The following MDGA2 variants were observed in gnomAD, a reference collection of about 807,000 sequenced individuals.
MDGA2 encodes the protein MAM domain-containing glycosylphosphatidylinositol anchor protein 2.
MDGA2 carries 40 observed loss-of-function variants against 117.8 expected under a neutral mutation model. The observed-to-expected ratio is 0.34, with a 90% confidence interval of 0.26 to 0.44. The LOEUF is 0.44. Among genes scored for constraint, MDGA2 ranks in the 20% least tolerant of loss-of-function variants. The pLI, the probability that MDGA2 is intolerant of heterozygous loss-of-function variation, is 1.00. For missense variants in MDGA2, 1,123 were observed against 1,250.6 expected, an observed-to-expected ratio of 0.90 and a Z score of 1.54; for synonymous variants, 452 against 439.0, an observed-to-expected ratio of 1.03 and a Z score of -0.37.
chr14:47,157,819 C>T (rs775078789), intron 3 of MDGA2, among the ~76,000 whole-genome samples: 2 of 152,040 alleles, frequency 1.3e-5, no homozygotes, highest in Admixed American at 6.6e-5. Flanking sequence ...AGGGCTCCCC[C>T]CCTCACTCAG....
chr14:47,629,047 T>C (rs779402198), intron 1 of MDGA2, among the ~76,000 whole-genome samples: 2 of 152,222 alleles, frequency 1.3e-5, no homozygotes, highest in Non-Finnish European at 2.9e-5. Flanking sequence ...TTCACTTCTC[T>C]TGATTCTAAT....
chr14:47,642,572 C>G (rs918006365), intron 1 of MDGA2, among the ~76,000 whole-genome samples: 1 of 152,014 alleles, frequency 6.6e-6, no homozygotes, highest in African/African-American at 2.4e-5. Context: ...TCATATCCTA[C>G]CAAGCAAACA....
chr14:47,665,205 GCT>G (rs1897921753), intron 1 of MDGA2, among the ~76,000 whole-genome samples: 1 of 151,934 alleles, frequency 6.6e-6, no homozygotes, highest in African/African-American at 2.4e-5. Flanking sequence ...ACTGTTCCGA[GCT>G]TTTTCAAGTT....
chr14:47,598,179 G>A (rs1896582100), intron 1 of MDGA2, among the ~76,000 whole-genome samples: 1 of 152,122 alleles, frequency 6.6e-6, no homozygotes, highest in Admixed American at 6.6e-5. Flanking sequence ...AATAACAAAT[G>A]TTAGTAAGGA....
intron 1 of MDGA2, among the ~76,000 whole-genome samples, chr14:47,352,713 C>A (rs1466701506): frequency 1.3e-5 from 2 of 152,204 alleles, no homozygotes; most frequent in African/African-American, 4.8e-5. Context: ...AAAGTTACTA[C>A]AATACTATTC....
chr14:47,470,119 TA>T (rs201706704), intron 1 of MDGA2, among the ~76,000 whole-genome samples: 4 of 93,702 alleles, frequency 4.3e-5, no homozygotes, highest in East Asian at 1.6e-3. Context: ...TATTTATTTT[TA>T]TTTTTTTTTT....
intron 2 of MDGA2, among the ~76,000 whole-genome samples, chr14:47,258,980 A>G (rs1887708951): frequency 6.6e-6 from 1 of 152,118 alleles, no homozygotes; most frequent in Admixed American, 6.6e-5. Flanking sequence ...TCTATTAGGT[A>G]TATCTTCAAT....
intron 1 of MDGA2, among the ~76,000 whole-genome samples, chr14:47,306,885 GAGAC>G (rs1889469062): frequency 6.6e-6 from 1 of 150,722 alleles, no homozygotes; most frequent in African/African-American, 2.4e-5. Context: ...TAGACAGATA[GAGAC>G]AGACAGACAG....
rs892793935 is a variant in MDGA2 at position 47,671,073 on chromosome 14, G to T, written c.280+3444C>A. Among the ~76,000 whole-genome samples, 7 of 151,918 alleles carry T rather than the reference G, an allele frequency of 4.6e-5. No individual in the cohort carries two copies. In the East Asian group the frequency reaches 1.3e-3, roughly 29 times the overall value. ...TTACTATAATGTTACATCTGATATT[G>T]AAAATGTAATAAATATAAAGTACAA... On this transcript the variant is annotated intron_variant, in intron 1 of 16. Coordinates refer to ENST00000399232, the MANE Select transcript of MDGA2 (RefSeq NM_001113498.3).
intron 5 of MDGA2, among the ~76,000 whole-genome samples, chr14:47,103,683 T>C: frequency 6.6e-6 from 1 of 152,248 alleles, no homozygotes. Context: ...ATACTGTTCC[T>C]TTTTGAAAAA....
intron 1 of MDGA2, among the ~76,000 whole-genome samples, chr14:47,383,169 A>G (rs767862571): frequency 4.6e-5 from 7 of 152,202 alleles, no homozygotes; most frequent in Non-Finnish European, 8.8e-5. Flanking sequence ...ACACTTGGAC[A>G]CAGGATGGGG....
At chr14:47,596,309 C>T (rs77061129) in intron 1 of MDGA2, among the ~76,000 whole-genome samples, 3,742 of 152,248 alleles carry the variant, frequency 0.025, 115 homozygotes, top group East Asian at 0.12. Flanking sequence ...AATTAACTAA[C>T]TTTAAGCATT....
At chr14:47,297,011 G>T (rs564197322) in intron 2 of MDGA2, among the ~76,000 whole-genome samples, 9 of 152,232 alleles carry the variant, frequency 5.9e-5, no homozygotes, top group African/African-American at 2.2e-4. Flanking sequence ...CAATGCAGGG[G>T]TTTCTAATGT....
In MDGA2 at chr14:47,247,643, T is replaced by TATTA. The variant is rs1350271588; in HGVS notation, c.421-29452_421-29449dup. ...AACATCAGTACATATTTATTATTAT[T>TATTA]ATTATTATTATTATTATACTTTAAG... is the stretch of plus-strand genomic sequence containing the variant. On this transcript the variant is annotated intron_variant, in intron 2 of 16. Transcript: ENST00000399232. Among the ~76,000 whole-genome samples the TATTA allele has an allele frequency of 3.5e-3, 518 of 149,560 alleles. 6 individuals carry two copies. The highest frequency in any genetic ancestry group is 0.012 in the African/African-American group (489 of 40,926).
At chr14:47,578,975 C>G (rs1365726886) in intron 1 of MDGA2, among the ~76,000 whole-genome samples, 7 of 151,954 alleles carry the variant, frequency 4.6e-5, no homozygotes, top group Non-Finnish European at 1.0e-4. Flanking sequence ...AATATCTTAC[C>G]CTTAGCATTC....
rs374880544 is a variant in MDGA2, at chr14:47,361,186, A to ACTCTCTCT, written c.281-59644_281-59637dup. ...TATGTATTTCAAAATGTCATGTTGT[A>ACTCTCTCT]CTCTCTCTCTCTCTCTCTCTCTATA... On this transcript the variant is annotated intron_variant, in intron 1 of 16. Transcript: ENST00000399232. 8.1e-3 allele frequency among the ~76,000 whole-genome samples: 1,149 copies of ACTCTCTCT among 142,280 alleles called. 6 individuals carry two copies. The highest frequency in any genetic ancestry group is 0.012 in the Non-Finnish European group (808 of 65,908). 93.3% of individuals were successfully genotyped at this position (142,280 alleles called of 152,430 possible).
chr14:46,845,070 A>G lies in MDGA2; in HGVS notation c.2989+696T>C, dbSNP rs112814357. ...ATTTTTTCTTTGTATTTTTAAATAGAGACGGGGTTTCACCGTCTTAGCCAG... is the reference window on the plus strand; with the variant it reads ...ATTTTTTCTTTGTATTTTTAAATAGGGACGGGGTTTCACCGTCTTAGCCAG... On this transcript the variant is annotated intron_variant, in intron 16 of 16. Coordinates refer to ENST00000399232, the MANE Select transcript of MDGA2 (RefSeq NM_001113498.3). Among the ~76,000 whole-genome samples, 717 of 152,280 alleles carry G rather than the reference A, an allele frequency of 4.7e-3. 7 individuals are homozygous for G. The highest frequency in any genetic ancestry group is 0.016 in the African/African-American group (676 of 41,566).
At chr14:46,996,672 A>C (rs1412235603) in intron 8 of MDGA2, 1 of 154,398 alleles carries the variant, frequency 6.5e-6, no homozygotes, top group Non-Finnish European at 1.4e-5. Flanking sequence ...GATGAAATGG[A>C]TGACACAACA....
rs370332286 is a variant in MDGA2 at position 47,509,344 on chromosome 14, A to T, written c.280+165173T>A. On this transcript the variant is annotated intron_variant, in intron 1 of 16. Transcript: ENST00000399232. Reference sequence around the variant, plus strand: ...AATGAGTTAAAAAATGAGTTTGGAGATCATAAGTGGTTATCCATGAAAGTG... The same window carrying T: ...AATGAGTTAAAAAATGAGTTTGGAGTTCATAAGTGGTTATCCATGAAAGTG... 1.2e-3 allele frequency among the ~76,000 whole-genome samples: 177 copies of T among 152,338 alleles called. 2 individuals are homozygous for T. In the South Asian group the frequency reaches 0.035, roughly 30 times the overall value.
Sources: allele counts gnomAD v4.1 joint callset (sites outside exome capture counted in the v4.1 genomes callset), GRCh38; gene constraint gnomAD v4.1.1; transcripts MANE v1.5; gene names NCBI Gene and HGNC (gene_info 2026-07-23, HGNC 2026-07-21).